VPS37C: variants seen among roughly 807,000 people sequenced by gnomAD.
VPS37C encodes VPS37C subunit of ESCRT-I.
In VPS37C, 9 loss-of-function variants were observed where a neutral mutation model predicts 16.1. That is an observed-to-expected ratio of 0.56 (90% CI 0.34 to 0.97). VPS37C has a LOEUF of 0.97. Among genes scored for constraint, VPS37C ranks in the 50% least tolerant of loss-of-function variants. The probability of loss-of-function intolerance (pLI) is 0.02; values close to 1 mark genes in which losing one functional copy is unlikely to be tolerated. For missense variants in VPS37C, 479 were observed against 472.7 expected (o/e 1.01, Z -0.12); for synonymous variants, 207 against 206.4 (o/e 1.00, Z -0.02).
At position 61,131,535 on chromosome 11, in the gene VPS37C, C is replaced by G; in HGVS notation, c.*285G>C. 2.7e-6 allele frequency: 1 copy of G among 371,740 alleles called. No homozygotes were observed. Among genetic ancestry groups the G allele is most frequent in the East Asian group, 4.0e-5 (1 of 24,978 alleles). The allele number at this position is 371,740 out of a possible 1,614,324, so 23.0% of individuals were successfully genotyped here. A position where few individuals can be genotyped will look rare whatever the true frequency, so the allele number is the denominator to read the frequency against. Reference sequence around the variant, plus strand: ...GCTCATAAATGCGCACATGCGCTCACTCACACAGACACCGGCGAGAGGTGC... The same window carrying G: ...GCTCATAAATGCGCACATGCGCTCAGTCACACAGACACCGGCGAGAGGTGC... On this transcript the variant is annotated 3_prime_UTR_variant, in exon 5 of 5. Coordinates refer to ENST00000301765, the MANE Select transcript of VPS37C (RefSeq NM_017966.5).
chr11:61,153,274 G>A (rs639643), intron 1 of VPS37C, among the ~76,000 whole-genome samples: 113,043 of 152,140 alleles, frequency 0.74, 43,518 homozygotes, highest in East Asian at 1. Flanking sequence ...GGTTTTATAA[G>A]TGTTTGACAG....
intron 1 of VPS37C, among the ~76,000 whole-genome samples, chr11:61,156,691 A>T (rs1374782861): frequency 6.6e-6 from 1 of 152,236 alleles, no homozygotes; most frequent in East Asian, 1.9e-4. Flanking sequence ...TTTTTAAGAG[A>T]TATACCGTAA....
At position 61,133,351 on chromosome 11, in the gene VPS37C, C is replaced by A; in HGVS notation, c.266-14G>T. ...AAGAAAATTTCTCTGGAAGGGAGGGCAGAACGACTGACATTTGAAAAGTGC... is the reference window on the plus strand; with the variant it reads ...AAGAAAATTTCTCTGGAAGGGAGGGAAGAACGACTGACATTTGAAAAGTGC... On this transcript the variant is annotated splice_polypyrimidine_tract_variant and intron_variant, in intron 3 of 4. Coordinates refer to ENST00000301765, the MANE Select transcript of VPS37C (RefSeq NM_017966.5). 6.2e-7 allele frequency: 1 copy of A among 1,613,252 alleles called. No individual in the cohort carries two copies. Among genetic ancestry groups the A allele is most frequent in the Non-Finnish European group, 8.5e-7 (1 of 1,179,658 alleles).
intron 4 of VPS37C, chr11:61,132,987 T>C (rs1407842336): frequency 1.2e-5 from 7 of 578,634 alleles, no homozygotes; most frequent in Non-Finnish European, 2.2e-5. Flanking sequence ...CCTCAGCCCC[T>C]GGGGGCCTCC....
chr11:61,140,917 GC>G lies in VPS37C; in HGVS notation c.-6-2083del, dbSNP rs112327398. 4.5e-3 allele frequency among the ~76,000 whole-genome samples: 690 copies of G among 152,224 alleles called. 4 individuals are homozygous for G. The highest frequency in any genetic ancestry group is 0.016 in the African/African-American group (658 of 41,534). The stretch of plus-strand genomic sequence containing the variant: ...CCGCTCCAAAACCCTTGGTCTAAAA[GC>G]CCCAGAGCCAGGTCGGACACGGTGG... On this transcript the variant is annotated intron_variant, in intron 1 of 4. Transcript: ENST00000301765.
chr11:61,133,068 G>A (rs1244458865), intron 4 of VPS37C, 187 bp downstream of exon 4: 3 of 712,732 alleles, frequency 4.2e-6, no homozygotes, highest in Non-Finnish European at 7.5e-6. Flanking sequence ...GCTTCAGCTA[G>A]TGGGACTGGG....
At chr11:61,147,406 C>T (rs886823283) in intron 1 of VPS37C, among the ~76,000 whole-genome samples, 4 of 152,136 alleles carry the variant, frequency 2.6e-5, no homozygotes, top group African/African-American at 9.7e-5. Context: ...TTGACTAAAT[C>T]GATCCCACAG....
In VPS37C at chr11:61,131,693, T is replaced by G; in HGVS notation, c.*127A>C. On this transcript the variant is annotated 3_prime_UTR_variant, in exon 5 of 5. Coordinates refer to ENST00000301765, the MANE Select transcript of VPS37C (RefSeq NM_017966.5). ...CAGTGCCTTGTCCCTCCAAGGCCTC[T>G]GGGTGCCGACGCAAGTCCACAGGGA... The G allele has an allele frequency of 1.7e-6, 2 of 1,208,320 alleles. No homozygotes were observed. The highest frequency in any genetic ancestry group is 8.6e-5 in the South Asian group (2 of 23,128). 74.8% of individuals were successfully genotyped at this position (1,208,320 alleles called of 1,614,324 possible).
At position 61,132,089 on chromosome 11, in the gene VPS37C, G is replaced by A. The variant is rs1441465907; in HGVS notation, c.799C>T (p.Pro267Ser). The A allele has an allele frequency of 7.1e-7, 1 of 1,401,086 alleles. No individual in the cohort carries two copies. The highest frequency in any genetic ancestry group is 9.3e-7 in the Non-Finnish European group (1 of 1,073,156). 86.8% of individuals were successfully genotyped at this position (1,401,086 alleles called of 1,614,324 possible). Residue 267 changes from proline (P) to serine (S), a missense_variant, in exon 5 of 5, where the codon CCA (proline) becomes TCA (serine). By Grantham distance (74) the Pro-to-Ser change is moderately conservative. Transcript: ENST00000301765. ...GYSWSPQRSM[P>S]PRPGYPGTPM... ...GTCCCAGGATAGCCCGGCCGGGGTG[G>A]CATGCTCCTCTGTGGGGACCAGGAG...
At chr11:61,151,946 A>G (rs1483240245) in intron 1 of VPS37C, among the ~76,000 whole-genome samples, 1 of 152,186 alleles carries the variant, frequency 6.6e-6, no homozygotes, top group African/African-American at 2.4e-5. Flanking sequence ...CTGACTTCAC[A>G]CCAACTTCCA....
rs1861423740 is a variant in VPS37C, at chr11:61,138,770, C to T, written c.60G>A (p.Glu20=). 1 of 1,614,176 alleles carries T rather than the reference C, an allele frequency of 6.2e-7. No individual in the cohort carries two copies. Among genetic ancestry groups the T allele is most frequent in the Non-Finnish European group, 8.5e-7 (1 of 1,180,038 alleles). Residue 20 remains glutamate (E), a synonymous_variant, in exon 2 of 5, where the codon GAG becomes GAA. Coordinates refer to ENST00000301765, the MANE Select transcript of VPS37C (RefSeq NM_017966.5). Reference sequence around the variant, plus strand: ...ACTCCAGGGCCAGCTGGTCAATCGCCTCCGAGTCATTCTGCAACTCCTCCA... The same window carrying T: ...ACTCCAGGGCCAGCTGGTCAATCGCTTCCGAGTCATTCTGCAACTCCTCCA... ...QELEELQNDS[E]AIDQLALESP...
chr11:61,151,725 C>A (rs2134652424), intron 1 of VPS37C, among the ~76,000 whole-genome samples: 1 of 152,280 alleles, frequency 6.6e-6, no homozygotes, highest in South Asian at 2.1e-4. Flanking sequence ...ATTTAAGATT[C>A]CTCCAGAGCT....
At position 61,134,147 on chromosome 11, in the gene VPS37C, G is replaced by A. The variant is rs752595968; in HGVS notation, c.154C>T (p.Arg52Trp). ...AGGGGACCCTGGAACTCCAAGTTCC[G>A]CTCTGCCAGGCTCCGGTTGGTGGCC... is the stretch of plus-strand genomic sequence containing the variant. ...ALATNRSLAE[R>W]NLEFQGPLEI... is the part of the protein sequence containing the mutation. Residue 52 changes from arginine (R) to tryptophan (W), a missense_variant, in exon 3 of 5, where the codon CGG (arginine) becomes TGG (tryptophan). Physicochemically the swap from Arg to Trp is moderately radical, Grantham distance 101. Coordinates refer to ENST00000301765, the MANE Select transcript of VPS37C (RefSeq NM_017966.5). The A allele has an allele frequency of 1.4e-5, 22 of 1,613,950 alleles. No homozygotes were observed. The East Asian group carries it at 1.8e-4, about 13-fold the overall frequency.
chr11:61,145,044 T>C (rs1388241986), intron 1 of VPS37C: 1 of 152,250 alleles, frequency 6.6e-6, no homozygotes, highest in Non-Finnish European at 1.5e-5. Flanking sequence ...GGCTCTTTTC[T>C]TCTGAAATCA....
rs1186222173 is a variant in VPS37C, at chr11:61,134,065, T to A, written c.236A>T (p.Glu79Val). The stretch of plus-strand genomic sequence containing the variant: ...CTTTGCCTTCTGCTCCTGGCACCGC[T>A]CCACGAGCTTCCGGAGCTCCTGGTA... ...DRYQELRKLV[E>V]RCQEQKAKLE... The change falls in exon 3 of 5, where the codon GAG becomes GTG. Residue 79 changes from glutamate (E) to valine (V), a missense_variant. Transcript: ENST00000301765. 1 of 1,612,960 alleles carries A rather than the reference T, an allele frequency of 6.2e-7. No homozygotes were observed. Among genetic ancestry groups the A allele is most frequent in the African/African-American group, 1.3e-5 (1 of 75,004 alleles).
At chr11:61,159,743 A>T (rs2134662795) in intron 1 of VPS37C, among the ~76,000 whole-genome samples, 1 of 150,856 alleles carries the variant, frequency 6.6e-6, no homozygotes, top group Non-Finnish European at 1.5e-5. Flanking sequence ...AATAAATAAA[A>T]AATACAAAAA....
At position 61,131,582 on chromosome 11, in the gene VPS37C, C is replaced by G. The variant is rs901274490; in HGVS notation, c.*238G>C. 8.5e-5 allele frequency: 40 copies of G among 468,942 alleles called. No homozygotes were observed. The Middle Eastern group carries it at 1.7e-3, about 20-fold the overall frequency. 29.0% of individuals were successfully genotyped at this position (468,942 alleles called of 1,614,324 possible). On this transcript the variant is annotated 3_prime_UTR_variant, in exon 5 of 5. Transcript: ENST00000301765. ...GTGCTGGACTCCAGCCTGGCTAGCA[C>G]CGCTGCAGCCAGGCACTGAAAGGAG...
chr11:61,152,622 C>T (rs1227477166), intron 1 of VPS37C, among the ~76,000 whole-genome samples: 2 of 152,240 alleles, frequency 1.3e-5, no homozygotes, highest in Admixed American at 6.5e-5. Flanking sequence ...TGGTATACAA[C>T]GCCTTGTATC....
chr11:61,132,484 T>C lies in VPS37C; in HGVS notation c.404A>G (p.Asn135Ser), dbSNP rs1466902836. The change falls in exon 5 of 5, where the codon AAT becomes AGT. Residue 135 changes from asparagine to serine, a missense_variant. Physicochemically the swap from Asn to Ser is conservative, Grantham distance 46. Transcript: ENST00000301765. ...GEVPLETFLE[N>S]FSSMRMLSHL... is the part of the protein sequence containing the mutation. ...GGACAGCATCCTCATGGAGGAAAAA[T>C]TCTCCAGGAACGTTTCCAGGGGCAC... The C allele has an allele frequency of 1.9e-6, 3 of 1,611,896 alleles. No individual in the cohort carries two copies. In the East Asian group the frequency reaches 6.7e-5, roughly 36 times the overall value.
Sources: gnomAD v4.1 joint callset for allele counts (sites outside exome capture counted in the v4.1 genomes callset) on GRCh38, gnomAD v4.1.1 for gene constraint, MANE v1.5 for transcripts, NCBI Gene and HGNC (gene_info 2026-07-23, HGNC 2026-07-21) for gene names.